Variants in TMEM178B observed in about 807,000 individuals in gnomAD.
TMEM178B encodes transmembrane protein 178B.
TMEM178B carries 5 observed loss-of-function variants against 31.0 expected under a neutral mutation model. The observed-to-expected ratio is 0.16, with a 90% CI of 0.08 to 0.34. TMEM178B has a LOEUF of 0.34. Among genes scored for constraint, TMEM178B ranks in the 10% least tolerant of loss-of-function variants. TMEM178B has a pLI of 1.00. For synonymous variants in TMEM178B, 164 were observed against 164.0 expected (o/e 1.00, Z 0.00); for missense variants, 275 against 400.3 (o/e 0.69, Z 2.67).
intron 2 of TMEM178B, among the ~76,000 whole-genome samples, chr7:141,329,784 A>G (rs1799263690): frequency 6.6e-6 from 1 of 152,220 alleles, no homozygotes; most frequent in African/African-American, 2.4e-5. Context: ...GTGACCTGCT[A>G]TTATCAGGGA....
chr7:141,112,318 C>G (rs1795246585), intron 1 of TMEM178B, among the ~76,000 whole-genome samples: 1 of 152,148 alleles, frequency 6.6e-6, no homozygotes, highest in Non-Finnish European at 1.5e-5. Flanking sequence ...AATGGCATGA[C>G]CACGGCTCAC....
At chr7:141,212,450 G>A (rs1797065649) in intron 1 of TMEM178B, 141 bp from the exon 2 acceptor site, 2 of 646,784 alleles carry the variant, frequency 3.1e-6, no homozygotes, top group Non-Finnish European at 5.4e-6. Flanking sequence ...TTTTTGAGTT[G>A]AAGGTATTGT....
At chr7:141,246,825 AG>A (rs1797738556) in intron 2 of TMEM178B, among the ~76,000 whole-genome samples, 1 of 152,250 alleles carries the variant, frequency 6.6e-6, no homozygotes, top group East Asian at 1.9e-4. Context: ...TGCACACCTT[AG>A]GGGCTACGGG....
chr7:141,266,472 T>C (rs528284180), intron 2 of TMEM178B, among the ~76,000 whole-genome samples: 1 of 152,322 alleles, frequency 6.6e-6, no homozygotes, highest in South Asian at 2.1e-4. Context: ...CTGTTTGTTC[T>C]GGAAAACCCT....
At chr7:141,185,656 CTGGGGTTTTTATAGGCACAGGATGGGGG>C (rs1412048399) in intron 1 of TMEM178B, among the ~76,000 whole-genome samples, 4 of 152,066 alleles carry the variant, frequency 2.6e-5, no homozygotes, top group Admixed American at 2.6e-4. Context: ...GCTAGGGTCT[CTGGGGTTTTTATAGGCACAGGATGGGGG>C]TGTGGCAGGC....
intron 2 of TMEM178B, among the ~76,000 whole-genome samples, chr7:141,356,094 T>C (rs2038080607): frequency 6.6e-6 from 1 of 152,230 alleles, no homozygotes; most frequent in Non-Finnish European, 1.5e-5. Flanking sequence ...TGTACCACAT[T>C]TCATTTTCTT....
chr7:141,335,941 G>A (rs535117769), intron 2 of TMEM178B, among the ~76,000 whole-genome samples: 1 of 152,294 alleles, frequency 6.6e-6, no homozygotes, highest in South Asian at 2.1e-4. Context: ...TCTGCAGGGA[G>A]CCATTACTTT....
At chr7:141,284,533 G>T (rs529074632) in intron 2 of TMEM178B, among the ~76,000 whole-genome samples, 2 of 151,944 alleles carry the variant, frequency 1.3e-5, no homozygotes, top group African/African-American at 2.4e-5. Flanking sequence ...TTAATTTATC[G>T]TTAGGAAGAC....
chr7:141,511,072 G>T, the TMEM178B span, among the ~76,000 whole-genome samples: 12 of 151,920 alleles, frequency 7.9e-5, no homozygotes, highest in Admixed American at 6.6e-5. Flanking sequence ...AGTTCCAACG[G>T]AGAAGTTGCT....
chr7:141,249,979 A>G (rs1170637885), intron 2 of TMEM178B, among the ~76,000 whole-genome samples: 1 of 152,242 alleles, frequency 6.6e-6, no homozygotes, highest in Non-Finnish European at 1.5e-5. Flanking sequence ...TTACAAGACC[A>G]ACATCGTAGA....
At chr7:141,140,858 G>C (rs1795757050) in intron 1 of TMEM178B, among the ~76,000 whole-genome samples, 1 of 152,198 alleles carries the variant, frequency 6.6e-6, no homozygotes, top group Non-Finnish European at 1.5e-5. Context: ...TGTGTATCAA[G>C]GGTGCATGCT....
At chr7:141,424,159 T>A (rs574811293) in intron 2 of TMEM178B, among the ~76,000 whole-genome samples, 1 of 152,182 alleles carries the variant, frequency 6.6e-6, no homozygotes, top group Non-Finnish European at 1.5e-5. Context: ...TCCGGCATGG[T>A]CCCAAAGTGC....
At chr7:141,175,138 A>G (rs936602293) in intron 1 of TMEM178B, among the ~76,000 whole-genome samples, 2 of 152,146 alleles carry the variant, frequency 1.3e-5, no homozygotes, top group East Asian at 3.9e-4. Context: ...TAATTTTTGT[A>G]TGGGGTGTAA....
intron 2 of TMEM178B, among the ~76,000 whole-genome samples, chr7:141,333,985 C>A (rs906570351): frequency 2.6e-5 from 4 of 152,190 alleles, no homozygotes; most frequent in Non-Finnish European, 5.9e-5. Flanking sequence ...TGCTGTGGGG[C>A]CCGCTTCCTA....
chr7:141,103,356 C>T (rs1484646521), intron 1 of TMEM178B, among the ~76,000 whole-genome samples: 4 of 152,284 alleles, frequency 2.6e-5, no homozygotes, highest in Middle Eastern at 3.4e-3. Flanking sequence ...TTTTCTCTCT[C>T]GTATCCTCTT....
intron 2 of TMEM178B, among the ~76,000 whole-genome samples, chr7:141,420,967 G>A (rs1801198665): frequency 6.6e-6 from 1 of 152,174 alleles, no homozygotes; most frequent in South Asian, 2.1e-4. Context: ...TCTGATGTCA[G>A]AAATTAGACA....
chr7:141,275,751 C>G (rs1244137245), intron 2 of TMEM178B, among the ~76,000 whole-genome samples: 1 of 152,128 alleles, frequency 6.6e-6, no homozygotes, highest in East Asian at 1.9e-4. Flanking sequence ...TATATACAGT[C>G]CAAGGAAAGC....
chr7:141,256,877 T>C (rs951328573), intron 2 of TMEM178B, among the ~76,000 whole-genome samples: 1 of 152,146 alleles, frequency 6.6e-6, no homozygotes, highest in African/African-American at 2.4e-5. Flanking sequence ...TTCTGAAATG[T>C]GCAACACTAA....
rs1261492693 is a variant in TMEM178B, at chr7:141,286,923, C to A, written c.496+74219C>A. Among the ~76,000 whole-genome samples, 4 of 152,228 alleles carry A rather than the reference C, an allele frequency of 2.6e-5. No homozygotes were observed. The East Asian group carries it at 7.7e-4, about 29-fold the overall frequency. ...TCTAGACTAGAAAGTTAGGGGAGTT[C>A]TTGGAGGTTATATATTAAATGTAAC... On this transcript the variant is annotated intron_variant, in intron 2 of 3. Coordinates refer to ENST00000565468, the MANE Select transcript of TMEM178B (RefSeq NM_001195278.2).
Sources: allele counts gnomAD v4.1 joint callset (sites outside exome capture counted in the v4.1 genomes callset), GRCh38; gene constraint gnomAD v4.1.1; transcripts MANE v1.5; gene names NCBI Gene and HGNC (gene_info 2026-07-23, HGNC 2026-07-21).